PARD3: variants seen among roughly 807,000 people sequenced by gnomAD.
PARD3 encodes partitioning defective 3 homolog.
A neutral mutation model predicts 155.4 loss-of-function variants in PARD3; 75 were observed. The ratio of observed to expected loss-of-function variants is 0.48; its 90% CI spans 0.40 to 0.58. The LOEUF is 0.58. Ranked by LOEUF, PARD3 falls within the 20% of genes least tolerant of loss-of-function variation. The probability of loss-of-function intolerance (pLI) is 0.00; values close to 1 mark genes in which losing one functional copy is unlikely to be tolerated. For synonymous variants in PARD3, 576 were observed against 610.5 expected (o/e 0.94, Z 0.83); for missense variants, 1,642 against 1,721.7 (o/e 0.95, Z 0.82).
At chr10:34,620,690 C>A (rs1242866645) in intron 2 of PARD3, among the ~76,000 whole-genome samples, 1 of 152,162 alleles carries the variant, frequency 6.6e-6, no homozygotes, top group Non-Finnish European at 1.5e-5. Flanking sequence ...GCTCACCTTG[C>A]AATTTCAGGA....
intron 15 of PARD3, chr10:34,345,162 C>CA: frequency 3.0e-6 from 3 of 985,204 alleles, no homozygotes; most frequent in Non-Finnish European, 3.6e-6. Context: ...CAAAGTAAAA[C>CA]AAAAAACATC....
chr10:34,725,606 G>C (rs974798442), intron 1 of PARD3, among the ~76,000 whole-genome samples: 3 of 152,058 alleles, frequency 2.0e-5, no homozygotes, highest in Non-Finnish European at 4.4e-5. Flanking sequence ...TCTACCCTTG[G>C]GGGGGCACAA....
rs558334258 is a variant in PARD3, at chr10:34,772,662, T to C, written c.120+42214A>G. On this transcript the variant is annotated intron_variant, in intron 1 of 24. Transcript: ENST00000374788. ...CAAAAAAATTAGCCAAGCGTGGTGG[T>C]GGACGCCTGTAACTCCAGCTACTCG... Among the ~76,000 whole-genome samples the C allele has an allele frequency of 9.8e-4, 149 of 151,496 alleles. 1 individual carries two copies. In the South Asian group the frequency reaches 0.015, roughly 15 times the overall value.
At chr10:34,139,184 G>A (rs1948056700) in intron 22 of PARD3, among the ~76,000 whole-genome samples, 1 of 152,178 alleles carries the variant, frequency 6.6e-6, no homozygotes, top group Non-Finnish European at 1.5e-5. Context: ...GAAAGGAGAA[G>A]ATAGTAGGTT....
intron 1 of PARD3, among the ~76,000 whole-genome samples, chr10:34,752,452 C>T (rs1474115324): frequency 6.6e-6 from 1 of 151,872 alleles, no homozygotes; most frequent in African/African-American, 2.4e-5. Flanking sequence ...ACTACTAACA[C>T]AGTCAGCCTT....
rs567920046 is a variant in PARD3 at position 34,730,486 on chromosome 10, C to A, written c.121-34067G>T. Among the ~76,000 whole-genome samples the A allele has an allele frequency of 6.6e-5, 10 of 152,286 alleles. No individual in the cohort carries two copies. The East Asian group carries it at 1.7e-3, about 26-fold the overall frequency. ...TAAAAAAACAAGATGAAGCCAAAGG[C>A]AGTCTTCAAAATATACTCCATGGCT... On this transcript the variant is annotated intron_variant, in intron 1 of 24. Transcript: ENST00000374788.
intron 2 of PARD3, among the ~76,000 whole-genome samples, chr10:34,677,984 G>C: frequency 6.6e-6 from 1 of 151,942 alleles, no homozygotes; most frequent in Non-Finnish European, 1.5e-5. Context: ...ACTATATATT[G>C]ATTGTATAGC....
At chr10:34,151,902 A>G (rs1192398116) in intron 22 of PARD3, among the ~76,000 whole-genome samples, 1 of 152,216 alleles carries the variant, frequency 6.6e-6, no homozygotes, top group East Asian at 1.9e-4. Flanking sequence ...GGCTTTAAAT[A>G]TATTCTGTTA....
intron 20 of PARD3, among the ~76,000 whole-genome samples, chr10:34,287,989 T>A (rs571333969): frequency 6.6e-6 from 1 of 152,260 alleles, no homozygotes; most frequent in South Asian, 2.1e-4. Flanking sequence ...CGTGGACAGA[T>A]CACTTAAGGT....
Position 34,337,574 on chromosome 10 carries a change from TA to T in PARD3, c.2409-149del, listed in dbSNP as rs879474742. 1,422 of 352,386 alleles carry T rather than the reference TA, an allele frequency of 4.0e-3. 1 individual carries two copies. The highest frequency in any genetic ancestry group is 0.011 in the African/African-American group (505 of 46,480). 21.8% of individuals were successfully genotyped at this position (352,386 alleles called of 1,614,324 possible). On this transcript the variant is annotated intron_variant, in intron 16 of 24. Coordinates refer to ENST00000374788, the MANE Select transcript of PARD3 (RefSeq NM_001184785.2). The stretch of plus-strand genomic sequence containing the variant: ...ACTAAATAATACAAATACAGTCCAT[TA>T]AAAAAAAAACTGTGGCTGTATAGAA...
intron 5 of PARD3, among the ~76,000 whole-genome samples, chr10:34,442,392 G>C (rs570875334): frequency 6.6e-6 from 1 of 152,090 alleles, no homozygotes; most frequent in Non-Finnish European, 1.5e-5. Context: ...TTCCCTGACC[G>C]ATCTGAAGTT....
intron 2 of PARD3, among the ~76,000 whole-genome samples, chr10:34,667,204 A>G (rs1564482479): frequency 6.6e-6 from 1 of 152,220 alleles, no homozygotes; most frequent in East Asian, 1.9e-4. Context: ...GAAATAGGTT[A>G]GAAAATCCAA....
chr10:34,451,089 C>T (rs945997842), intron 4 of PARD3, among the ~76,000 whole-genome samples: 30 of 152,132 alleles, frequency 2.0e-4, no homozygotes, highest in Admixed American at 1.6e-3. Context: ...ATATAACAAG[C>T]GATGTCTTTA....
chr10:34,427,725 A>T (rs2075693382), intron 5 of PARD3, among the ~76,000 whole-genome samples: 1 of 151,994 alleles, frequency 6.6e-6, no homozygotes, highest in African/African-American at 2.4e-5. Context: ...GAACCTGCCG[A>T]CATGTGATGT....
intron 2 of PARD3, among the ~76,000 whole-genome samples, chr10:34,650,346 A>G (rs1176533194): frequency 6.6e-6 from 1 of 152,252 alleles, no homozygotes; most frequent in Non-Finnish European, 1.5e-5. Flanking sequence ...TCTCAGTTCC[A>G]TTATAATCTG....
intron 1 of PARD3, among the ~76,000 whole-genome samples, chr10:34,747,160 G>A (rs574373692): frequency 2.0e-5 from 3 of 152,296 alleles, no homozygotes; most frequent in East Asian, 3.9e-4. Context: ...GGAAATCAAT[G>A]TAAAAATCTA....
intron 1 of PARD3, among the ~76,000 whole-genome samples, chr10:34,793,672 G>A (rs889880087): frequency 6.6e-6 from 1 of 152,096 alleles, no homozygotes; most frequent in African/African-American, 2.4e-5. Flanking sequence ...TATAATCCCT[G>A]CTACTTGGGA....
chr10:34,301,609 G>A (rs1021374570), intron 20 of PARD3, among the ~76,000 whole-genome samples: 4 of 151,994 alleles, frequency 2.6e-5, no homozygotes, highest in Non-Finnish European at 5.9e-5. Flanking sequence ...ACATGTCTTT[G>A]ATTTCCAAAT....
chr10:34,117,452 A>AG (rs1165100249), intron 24 of PARD3, among the ~76,000 whole-genome samples: 6 of 147,804 alleles, frequency 4.1e-5, no homozygotes, highest in Non-Finnish European at 9.0e-5. Context: ...GGGAGGGGGC[A>AG]GGGGGGTAGC....
Sources: allele counts gnomAD v4.1 joint callset (sites outside exome capture counted in the v4.1 genomes callset), GRCh38; gene constraint gnomAD v4.1.1; transcripts MANE v1.5; gene names NCBI Gene and HGNC (gene_info 2026-07-23, HGNC 2026-07-21).